The following FSHR variants were observed in gnomAD, a reference collection of about 807,000 sequenced individuals.
The protein encoded by FSHR is follicle-stimulating hormone receptor.
FSHR carries 46 observed loss-of-function variants against 52.1 expected under a neutral mutation model. That is an observed-to-expected ratio of 0.88 (90% CI 0.70 to 1.13). The LOEUF is 1.13. Ranked by LOEUF, FSHR falls within the 50% of genes most tolerant of loss-of-function variation. The pLI, the probability that FSHR is intolerant of heterozygous loss-of-function variation, is 0.00. For missense variants in FSHR, 964 were observed against 834.6 expected (o/e 1.16, Z -1.91); for synonymous variants, 399 against 309.6 (o/e 1.29, Z -3.03).
chr2:49,150,689 A>G (rs1050386876), intron 1 of FSHR, among the ~76,000 whole-genome samples: 1 of 152,028 alleles, frequency 6.6e-6, no homozygotes, highest in African/African-American at 2.4e-5. Context: ...GACTCATCAG[A>G]ACCAGCTAAA....
chr2:49,142,794 A>C (rs1672738340), intron 1 of FSHR, among the ~76,000 whole-genome samples: 2 of 152,120 alleles, frequency 1.3e-5, no homozygotes, highest in African/African-American at 4.8e-5. Context: ...GGATAAATGA[A>C]GAGTTTGGAG....
chr2:49,084,669 A>T (rs1318592481), intron 1 of FSHR, among the ~76,000 whole-genome samples: 1 of 152,238 alleles, frequency 6.6e-6, no homozygotes, highest in African/African-American at 2.4e-5. Flanking sequence ...GGATATCATC[A>T]CCGATCCCAC....
chr2:49,026,905 C>T (rs757725136), intron 2 of FSHR, among the ~76,000 whole-genome samples: 2 of 152,158 alleles, frequency 1.3e-5, no homozygotes, highest in African/African-American at 4.8e-5. Flanking sequence ...GATGAATCTG[C>T]TGATGAGGCA....
intron 4 of FSHR, among the ~76,000 whole-genome samples, chr2:49,014,341 G>T (rs1378521566): frequency 6.6e-6 from 1 of 152,098 alleles, no homozygotes; most frequent in African/African-American, 2.4e-5. Flanking sequence ...AGCTTTTTGT[G>T]AACTTGATAC....
intron 1 of FSHR, among the ~76,000 whole-genome samples, chr2:49,150,738 T>A (rs542416474): frequency 6.6e-6 from 1 of 152,200 alleles, no homozygotes; most frequent in East Asian, 1.9e-4. Flanking sequence ...AGTTTAGTAC[T>A]TTCTCCATGG....
At chr2:49,144,652 T>C (rs879756511) in intron 1 of FSHR, among the ~76,000 whole-genome samples, 3 of 149,942 alleles carry the variant, frequency 2.0e-5, no homozygotes, top group African/African-American at 4.9e-5. Context: ...TGTATTTACT[T>C]AGAGAAATGC....
At chr2:49,004,055 C>T (rs533069669) in intron 4 of FSHR, among the ~76,000 whole-genome samples, 3 of 152,292 alleles carry the variant, frequency 2.0e-5, no homozygotes, top group Admixed American at 6.5e-5. Flanking sequence ...GGGTATTTGC[C>T]TAATGTCTCT....
At chr2:49,071,352 T>A (rs1185861078) in intron 1 of FSHR, among the ~76,000 whole-genome samples, 2 of 152,062 alleles carry the variant, frequency 1.3e-5, no homozygotes, top group Non-Finnish European at 2.9e-5. Flanking sequence ...AAATAAAAAA[T>A]AATTAGAAAA....
At chr2:49,072,270 A>G (rs926939960) in intron 1 of FSHR, among the ~76,000 whole-genome samples, 1 of 152,172 alleles carries the variant, frequency 6.6e-6, no homozygotes, top group Non-Finnish European at 1.5e-5. Flanking sequence ...CACCCTTTTA[A>G]GTCATACATG....
In FSHR at chr2:49,058,097, A is replaced by C. The variant is rs139854670; in HGVS notation, c.224+10122T>G. 1.2e-3 allele frequency among the ~76,000 whole-genome samples: 183 copies of C among 152,338 alleles called. 1 individual carries two copies. Among genetic ancestry groups the C allele is most frequent in the African/African-American group, 4.2e-3 (176 of 41,580 alleles). On this transcript the variant is annotated intron_variant, in intron 2 of 9. Coordinates refer to ENST00000406846, the MANE Select transcript of FSHR (RefSeq NM_000145.4). ...GGAAAAGCTGAAAGCTTTTTCTCTAACAACTGGAATGTTACAATAATTCCC... is the reference window on the plus strand; with the variant it reads ...GGAAAAGCTGAAAGCTTTTTCTCTACCAACTGGAATGTTACAATAATTCCC...
At chr2:49,063,874 G>A (rs887517855) in intron 2 of FSHR, among the ~76,000 whole-genome samples, 3 of 152,016 alleles carry the variant, frequency 2.0e-5, no homozygotes, top group Non-Finnish European at 4.4e-5. Flanking sequence ...TGTGAGATAT[G>A]TTAATTACCC....
intron 1 of FSHR, among the ~76,000 whole-genome samples, chr2:49,097,142 G>C (rs1033261510): frequency 1.8e-4 from 28 of 152,174 alleles, no homozygotes; most frequent in African/African-American, 6.7e-4. Flanking sequence ...TTGCTTTATT[G>C]TTTTCTTATA....
chr2:49,013,897 A>G (rs1334920002), intron 4 of FSHR, among the ~76,000 whole-genome samples: 1 of 152,078 alleles, frequency 6.6e-6, no homozygotes, highest in African/African-American at 2.4e-5. Flanking sequence ...TCACAATAGG[A>G]TGAATGCCCT....
intron 4 of FSHR, among the ~76,000 whole-genome samples, chr2:48,995,728 C>A (rs371099574): frequency 6.6e-6 from 1 of 152,070 alleles, no homozygotes; most frequent in African/African-American, 2.4e-5. Context: ...AGTAATCAGA[C>A]CAAAGTGATG....
intron 1 of FSHR, among the ~76,000 whole-genome samples, chr2:49,147,749 C>T (rs545528705): frequency 1.7e-4 from 26 of 151,550 alleles, no homozygotes; most frequent in South Asian, 6.2e-4. Context: ...TATTCTTCTG[C>T]AGGGAATATA....
At chr2:49,132,306 CA>C (rs1339467157) in intron 1 of FSHR, among the ~76,000 whole-genome samples, 1 of 152,120 alleles carries the variant, frequency 6.6e-6, no homozygotes, top group Admixed American at 6.6e-5. Context: ...AGTCAATGTT[CA>C]GGACTGTAAA....
intron 2 of FSHR, among the ~76,000 whole-genome samples, chr2:49,037,749 A>G (rs1260294018): frequency 6.6e-6 from 1 of 152,236 alleles, no homozygotes; most frequent in Non-Finnish European, 1.5e-5. Context: ...GCTCACAAAT[A>G]AAAAGATGTT....
chr2:49,044,526 G>A (rs1668589443), intron 2 of FSHR, among the ~76,000 whole-genome samples: 2 of 152,114 alleles, frequency 1.3e-5, no homozygotes, highest in Non-Finnish European at 1.5e-5. Context: ...TCCTCCTTTG[G>A]AACTCATGCA....
intron 4 of FSHR, among the ~76,000 whole-genome samples, chr2:49,011,107 T>C (rs1667253502): frequency 6.6e-6 from 1 of 151,512 alleles, no homozygotes; most frequent in Admixed American, 6.6e-5. Context: ...TCTAGTTCTT[T>C]TAATTTTGAT....
Sources: allele counts gnomAD v4.1 joint callset (sites outside exome capture counted in the v4.1 genomes callset), GRCh38; gene constraint gnomAD v4.1.1; transcripts MANE v1.5; gene names NCBI Gene and HGNC (gene_info 2026-07-23, HGNC 2026-07-21).